Variants in TBC1D22A observed in about 807,000 individuals in gnomAD.
The protein encoded by TBC1D22A is putative GTPase activator.
Under a neutral mutation model 60.2 loss-of-function variants are expected in TBC1D22A, and 38 were observed. The ratio of observed to expected loss-of-function variants is 0.63; its 90% CI spans 0.49 to 0.83. The LOEUF is 0.83. TBC1D22A is among the 40% of genes least tolerant of loss of function. The pLI is 0.00. For synonymous variants in TBC1D22A, 302 were observed against 281.7 expected, an observed-to-expected ratio of 1.07 and a Z score of -0.72; for missense variants, 628 against 701.0, an observed-to-expected ratio of 0.90 and a Z score of 1.18.
At chr22:47,093,759 G>A (rs373314291) in intron 11 of TBC1D22A, among the ~76,000 whole-genome samples, 8 of 152,108 alleles carry the variant, frequency 5.3e-5, no homozygotes, top group South Asian at 2.1e-4. Flanking sequence ...TCAACTTGGC[G>A]GAATCACCAT....
chr22:46,912,637 A>T (rs913664554), intron 8 of TBC1D22A, among the ~76,000 whole-genome samples: 4 of 152,072 alleles, frequency 2.6e-5, no homozygotes, highest in African/African-American at 9.7e-5. Flanking sequence ...GCTAACTGCA[A>T]CCTCTGCCTC....
intron 11 of TBC1D22A, 145 bp downstream of exon 11, chr22:47,037,343 C>T (rs1221211171): frequency 9.6e-6 from 12 of 1,244,900 alleles, no homozygotes; most frequent in Non-Finnish European, 1.3e-5. Flanking sequence ...AAAAAGTATA[C>T]TCCTGGCCGG....
intron 11 of TBC1D22A, among the ~76,000 whole-genome samples, chr22:47,056,878 T>G (rs1475026312): frequency 6.6e-6 from 1 of 151,834 alleles, no homozygotes; most frequent in Admixed American, 6.5e-5. Flanking sequence ...AGACACAGAA[T>G]GGAAGGGGCC....
intron 8 of TBC1D22A, among the ~76,000 whole-genome samples, chr22:46,965,471 T>G (rs1183140983): frequency 4.6e-5 from 7 of 152,338 alleles, no homozygotes; most frequent in African/African-American, 1.2e-4. Context: ...CTCTGTGGGT[T>G]TTAAAGCCTT....
At chr22:47,150,645 G>A (rs748340401) in intron 12 of TBC1D22A, among the ~76,000 whole-genome samples, 1 of 152,208 alleles carries the variant, frequency 6.6e-6, no homozygotes, top group Non-Finnish European at 1.5e-5. Flanking sequence ...CCACAAGCAC[G>A]TGTGCCACAG....
chr22:47,098,034 T>A (rs566433692), intron 11 of TBC1D22A, among the ~76,000 whole-genome samples: 1 of 151,878 alleles, frequency 6.6e-6, no homozygotes, highest in Non-Finnish European at 1.5e-5. Context: ...GGCTGCTTTA[T>A]TAGATACAAT....
At chr22:46,969,835 G>A (rs1158022996) in intron 8 of TBC1D22A, among the ~76,000 whole-genome samples, 1 of 152,198 alleles carries the variant, frequency 6.6e-6, no homozygotes, top group African/African-American at 2.4e-5. Flanking sequence ...GCCAAATGCA[G>A]TCCCAGAACA....
chr22:46,882,154 G>A (rs1038648529), intron 5 of TBC1D22A, among the ~76,000 whole-genome samples: 3 of 152,264 alleles, frequency 2.0e-5, no homozygotes, highest in South Asian at 2.1e-4. Flanking sequence ...CCCGATCCTG[G>A]TGTCCGGGCC....
chr22:46,806,270 G>A (rs1033127364), intron 4 of TBC1D22A, among the ~76,000 whole-genome samples: 19 of 151,984 alleles, frequency 1.3e-4, no homozygotes, highest in African/African-American at 4.3e-4. Context: ...GGTGTAGAGG[G>A]ACTCAGTAAA....
At chr22:46,934,179 A>T (rs1030177780) in intron 8 of TBC1D22A, among the ~76,000 whole-genome samples, 1 of 152,232 alleles carries the variant, frequency 6.6e-6, no homozygotes, top group African/African-American at 2.4e-5. Flanking sequence ...CATGATCAAA[A>T]TTAAATTTTC....
At chr22:46,806,201 G>C (rs2085127629) in intron 4 of TBC1D22A, among the ~76,000 whole-genome samples, 1 of 152,136 alleles carries the variant, frequency 6.6e-6, no homozygotes, top group Non-Finnish European at 1.5e-5. Context: ...AGCGCTGTGT[G>C]GAAAACGTAG....
At chr22:47,149,289 A>T (rs1262229505) in intron 12 of TBC1D22A, among the ~76,000 whole-genome samples, 1 of 152,210 alleles carries the variant, frequency 6.6e-6, no homozygotes, top group Non-Finnish European at 1.5e-5. Flanking sequence ...ACGGACGCTC[A>T]CATCTGCTCC....
intron 1 of TBC1D22A, among the ~76,000 whole-genome samples, chr22:46,780,599 G>A (rs543861066): frequency 1.3e-5 from 2 of 152,222 alleles, no homozygotes; most frequent in Non-Finnish European, 2.9e-5. Context: ...GGCCAGAGTC[G>A]CTCTGTCCCT....
chr22:46,997,196 G>A (rs1028697198), intron 9 of TBC1D22A, among the ~76,000 whole-genome samples: 3 of 152,254 alleles, frequency 2.0e-5, no homozygotes, highest in South Asian at 2.1e-4. Context: ...CTGTGGCCAC[G>A]ATGATGGTGC....
chr22:46,935,295 T>C (rs907085899), intron 8 of TBC1D22A, among the ~76,000 whole-genome samples: 2 of 152,218 alleles, frequency 1.3e-5, no homozygotes, highest in African/African-American at 2.4e-5. Flanking sequence ...TTAGAAACTT[T>C]GGTTGAACAT....
chr22:46,872,453 A>G (rs937617716), intron 4 of TBC1D22A, among the ~76,000 whole-genome samples: 11 of 152,342 alleles, frequency 7.2e-5, no homozygotes, highest in Admixed American at 6.5e-4. Flanking sequence ...TAACCTATGA[A>G]GGAGTAACTG....
intron 4 of TBC1D22A, among the ~76,000 whole-genome samples, chr22:46,845,914 A>G (rs979175331): frequency 6.6e-6 from 1 of 152,234 alleles, no homozygotes. Flanking sequence ...TTCCAGGAGG[A>G]GGATACGCCT....
intron 10 of TBC1D22A, among the ~76,000 whole-genome samples, chr22:47,024,781 C>T (rs1464927770): frequency 6.6e-6 from 1 of 151,960 alleles, no homozygotes; most frequent in Non-Finnish European, 1.5e-5. Flanking sequence ...TGCTTGGGCC[C>T]AGGAAGTCAA....
At position 46,762,727 on chromosome 22, in the gene TBC1D22A, G is replaced by A; in HGVS notation, c.-60G>A. 7.3e-7 allele frequency: 1 copy of A among 1,373,120 alleles called. No individual in the cohort carries two copies. 85.1% of individuals were successfully genotyped at this position (1,373,120 alleles called of 1,614,324 possible). A position where few individuals can be genotyped will look rare whatever the true frequency, so the allele number is the denominator to read the frequency against. ...CCCGGGGCACAGGAAAGGGCCGCTA[G>A]GGGAGGGCCGGGTGCACTCGGGGTG... On this transcript the variant is annotated 5_prime_UTR_variant, in exon 1 of 13. Coordinates refer to ENST00000337137, the MANE Select transcript of TBC1D22A (RefSeq NM_014346.5).
Sources: gnomAD v4.1 joint callset for allele counts (sites outside exome capture counted in the v4.1 genomes callset) on GRCh38, gnomAD v4.1.1 for gene constraint, MANE v1.5 for transcripts, NCBI Gene and HGNC (gene_info 2026-07-23, HGNC 2026-07-21) for gene names.